The following STXBP5 variants were observed in gnomAD, a reference collection of about 807,000 sequenced individuals.
STXBP5 encodes syntaxin binding protein 5.
Under a neutral mutation model 152.4 loss-of-function variants are expected in STXBP5, and 50 were observed. The observed-to-expected ratio is 0.33, with a 90% CI of 0.26 to 0.42. The LOEUF is 0.42. STXBP5 is among the 10% of genes least tolerant of loss of function. STXBP5 has a pLI of 1.00. For synonymous variants in STXBP5, 492 were observed against 494.7 expected, an observed-to-expected ratio of 0.99 and a Z score of 0.07; for missense variants, 1,167 against 1,388.6, an observed-to-expected ratio of 0.84 and a Z score of 2.54.
chr6:147,311,363 T>C (rs1782366280), intron 10 of STXBP5, 92 bp from the exon 11 acceptor site: 1 of 1,067,512 alleles, frequency 9.4e-7, no homozygotes, highest in Admixed American at 2.0e-5. Context: ...CTCAAGAGAA[T>C]GAAACTAAAT....
At position 147,324,987 on chromosome 6, in the gene STXBP5, C is replaced by A; in HGVS notation, c.1831C>A (p.Pro611Thr). 6.3e-7 allele frequency: 1 copy of A among 1,593,340 alleles called. No individual in the cohort carries two copies. Among genetic ancestry groups the A allele is most frequent in the Non-Finnish European group, 8.6e-7 (1 of 1,167,674 alleles). The change falls in exon 17 of 28, where the codon CCA becomes ACA. Residue 611 changes from proline to threonine, a missense_variant. This residue lies in a region of STXBP5 where 833 missense variants were observed against 986.3 expected (regional missense o/e 0.84). Transcript: ENST00000321680. ...KVKNSPLKQS[P>T]GYQTELVIQL... is the part of the protein sequence containing the mutation. The stretch of plus-strand genomic sequence containing the variant: ...TAAAAACTCACCACTTAAACAGTCT[C>A]CAGGTTATCAAACAGAACTAGTTAT...
At chr6:147,353,465 G>A in intron 22 of STXBP5, 92 bp downstream of exon 22, 1 of 787,894 alleles carries the variant, frequency 1.3e-6, no homozygotes, top group Non-Finnish European at 1.9e-6. Context: ...GATAGTCATT[G>A]GAAAGCAAGT....
rs765202940 is a variant in STXBP5, at chr6:147,262,308, A to G, written c.585A>G (p.Pro195=). The part of the protein sequence containing the change: ...KAIELSSKSH[P]GPVVHISDNP... ...TTTTTAGGTCATCTAAATCTCACCC[A>G]GGACCTGTGGTCCATATAAGTGATA... Residue 195 remains proline (P), a synonymous_variant, in exon 6 of 28, where the codon CCA becomes CCG. Transcript: ENST00000321680. 1.9e-6 allele frequency: 3 copies of G among 1,553,500 alleles called. No individual in the cohort carries two copies. Among genetic ancestry groups the G allele is most frequent in the South Asian group, 1.3e-5 (1 of 77,922 alleles).
chr6:147,291,689 T>C (rs989814564), intron 9 of STXBP5, among the ~76,000 whole-genome samples: 4 of 152,226 alleles, frequency 2.6e-5, no homozygotes, highest in Middle Eastern at 3.4e-3. Context: ...ATTAGATTGC[T>C]TAAACATTTA....
At chr6:147,240,432 AG>A (rs932877649) in intron 4 of STXBP5, among the ~76,000 whole-genome samples, 1 of 152,180 alleles carries the variant, frequency 6.6e-6, no homozygotes, top group African/African-American at 2.4e-5. Flanking sequence ...TAGCATTAAA[AG>A]CACAATCTTT....
At chr6:147,362,895 C>T (rs769922939) in intron 23 of STXBP5, among the ~76,000 whole-genome samples, 2 of 152,164 alleles carry the variant, frequency 1.3e-5, no homozygotes, top group Non-Finnish European at 2.9e-5. Context: ...TGCAGTTGTT[C>T]ACACACTTTG....
At chr6:147,344,047 C>T (rs907824807) in intron 21 of STXBP5, among the ~76,000 whole-genome samples, 1 of 152,126 alleles carries the variant, frequency 6.6e-6, no homozygotes, top group Non-Finnish European at 1.5e-5. Flanking sequence ...TAGGCAGATA[C>T]TTCAAAATTA....
At chr6:147,290,166 C>T (rs900301321) in intron 8 of STXBP5, among the ~76,000 whole-genome samples, 4 of 152,124 alleles carry the variant, frequency 2.6e-5, no homozygotes, top group African/African-American at 9.7e-5. Flanking sequence ...CATGTTCATG[C>T]CACTGTACTC....
At chr6:147,346,447 A>G (rs1784333709) in intron 21 of STXBP5, among the ~76,000 whole-genome samples, 1 of 152,240 alleles carries the variant, frequency 6.6e-6, no homozygotes, top group African/African-American at 2.4e-5. Flanking sequence ...ATAAAAATTG[A>G]AAGATACACG....
At chr6:147,282,392 G>C (rs917599615) in intron 8 of STXBP5, among the ~76,000 whole-genome samples, 1 of 152,158 alleles carries the variant, frequency 6.6e-6, no homozygotes, top group African/African-American at 2.4e-5. Context: ...TTCCCTGGCA[G>C]TCAGACAACC....
chr6:147,378,331 T>A (rs1444618914), intron 26 of STXBP5, among the ~76,000 whole-genome samples: 1 of 150,436 alleles, frequency 6.6e-6, no homozygotes, highest in Non-Finnish European at 1.5e-5. Context: ...AATATTAAGG[T>A]AGCAAATAAT....
At chr6:147,383,044 C>A in intron 27 of STXBP5, 46 bp downstream of exon 27, 1 of 1,588,158 alleles carries the variant, frequency 6.3e-7, no homozygotes. Context: ...CTAGGTAAAG[C>A]AAGTGTGAAT....
intron 16 of STXBP5, among the ~76,000 whole-genome samples, chr6:147,317,318 C>T (rs78870123): frequency 0.022 from 3,352 of 152,016 alleles, 110 homozygotes; most frequent in African/African-American, 0.076. Context: ...AAAGATAAAA[C>T]GGATAGATTT....
At chr6:147,218,269 T>C (rs1457575388) in intron 2 of STXBP5, among the ~76,000 whole-genome samples, 3 of 152,182 alleles carry the variant, frequency 2.0e-5, no homozygotes, top group Non-Finnish European at 2.9e-5. Context: ...TATAATTACA[T>C]GTCTTTCATC....
At chr6:147,263,813 AAATGCT>A (rs1286656896) in intron 6 of STXBP5, among the ~76,000 whole-genome samples, 48 of 152,126 alleles carry the variant, frequency 3.2e-4, no homozygotes, top group African/African-American at 1.1e-3. Context: ...TCCTGACAGA[AAATGCT>A]TTTTCTTTCT....
At chr6:147,301,691 T>G (rs569137745) in intron 9 of STXBP5, among the ~76,000 whole-genome samples, 44 of 152,314 alleles carry the variant, frequency 2.9e-4, no homozygotes, top group Admixed American at 2.7e-3. Flanking sequence ...TATGATAAAT[T>G]GCCATTCACT....
intron 9 of STXBP5, among the ~76,000 whole-genome samples, chr6:147,299,433 A>G (rs937391821): frequency 7.2e-5 from 11 of 152,032 alleles, no homozygotes; most frequent in African/African-American, 2.7e-4. Flanking sequence ...AAACATACAA[A>G]GAAGAATATC....
chr6:147,239,124 T>C, intron 3 of STXBP5, 46 bp from the exon 4 acceptor site: 1 of 1,524,912 alleles, frequency 6.6e-7, no homozygotes, highest in East Asian at 2.3e-5. Flanking sequence ...GACTTCATGT[T>C]TATAAAATAT....
At chr6:147,340,047 C>T (rs1437522216) in intron 21 of STXBP5, among the ~76,000 whole-genome samples, 1 of 151,960 alleles carries the variant, frequency 6.6e-6, no homozygotes. Context: ...TTCAGATGTT[C>T]TCCAAAGATT....
Sources: allele counts gnomAD v4.1 joint callset (sites outside exome capture counted in the v4.1 genomes callset), GRCh38; gene constraint gnomAD v4.1.1; regional missense constraint gnomAD v4.1.1; transcripts MANE v1.5; gene names NCBI Gene and HGNC (gene_info 2026-07-23, HGNC 2026-07-21).